The following MKLN1 variants were observed in gnomAD, a reference collection of about 807,000 sequenced individuals.
MKLN1 encodes the protein muskelin.
In MKLN1, 18 loss-of-function variants were observed where a neutral mutation model predicts 99.0. The observed-to-expected ratio is 0.18, with a 90% CI of 0.13 to 0.27. The LOEUF is 0.27. Among genes scored for constraint, MKLN1 ranks in the 10% least tolerant of loss-of-function variants. The probability of loss-of-function intolerance (pLI) is 1.00; values close to 1 mark genes in which losing one functional copy is unlikely to be tolerated. For synonymous variants in MKLN1, 288 were observed against 293.2 expected, an observed-to-expected ratio of 0.98 and a Z score of 0.18; for missense variants, 621 against 875.9, an observed-to-expected ratio of 0.71 and a Z score of 3.67.
chr7:131,440,478 A>G (rs1295061093), intron 10 of MKLN1, among the ~76,000 whole-genome samples: 1 of 152,196 alleles, frequency 6.6e-6, no homozygotes, highest in Non-Finnish European at 1.5e-5. Flanking sequence ...TCAATTACAT[A>G]TGAAAAACTA....
At chr7:131,321,486 T>C (rs913699990) in intron 3 of MKLN1, among the ~76,000 whole-genome samples, 16 of 152,116 alleles carry the variant, frequency 1.1e-4, no homozygotes, top group Non-Finnish European at 2.9e-5. Context: ...GCTTAAAACC[T>C]AGATGACAGT....
chr7:131,483,151 T>G (rs776972172), intron 17 of MKLN1, among the ~76,000 whole-genome samples: 1 of 152,240 alleles, frequency 6.6e-6, no homozygotes, highest in Non-Finnish European at 1.5e-5. Flanking sequence ...GCATGAGGTT[T>G]AGAATCAATA....
intron 3 of MKLN1, among the ~76,000 whole-genome samples, chr7:131,283,916 G>T (rs1798096022): frequency 6.6e-6 from 1 of 152,104 alleles, no homozygotes; most frequent in Admixed American, 6.6e-5. Context: ...TTGTGATTTG[G>T]AGATTTATCT....
At chr7:131,281,356 G>T (rs949843376) in intron 3 of MKLN1, among the ~76,000 whole-genome samples, 1 of 151,892 alleles carries the variant, frequency 6.6e-6, no homozygotes, top group African/African-American at 2.4e-5. Context: ...CCAATGTGAG[G>T]GTTTATTTTT....
intron 3 of MKLN1, among the ~76,000 whole-genome samples, chr7:131,211,011 G>C (rs1320100065): frequency 3.3e-5 from 5 of 151,752 alleles, no homozygotes; most frequent in African/African-American, 4.8e-5. Flanking sequence ...TCCTGGACTA[G>C]AGTATACATT....
intron 2 of MKLN1, among the ~76,000 whole-genome samples, chr7:131,156,659 A>G (rs1392744535): frequency 6.6e-6 from 1 of 152,118 alleles, no homozygotes; most frequent in Non-Finnish European, 1.5e-5. Flanking sequence ...AGTGTTCTGA[A>G]CATGTTTCAG....
intron 8 of MKLN1, among the ~76,000 whole-genome samples, chr7:131,427,529 T>C (rs1297132297): frequency 6.6e-6 from 1 of 152,110 alleles, no homozygotes; most frequent in Non-Finnish European, 1.5e-5. Flanking sequence ...GGGGGAAATA[T>C]TTGAAGAAAG....
At chr7:131,435,359 C>T (rs1382973905) in intron 9 of MKLN1, among the ~76,000 whole-genome samples, 1 of 152,114 alleles carries the variant, frequency 6.6e-6, no homozygotes, top group Non-Finnish European at 1.5e-5. Flanking sequence ...CCTTCTTCCC[C>T]TTCTCTTCCT....
At chr7:131,111,284 A>G (rs1795194122) in intron 1 of MKLN1, among the ~76,000 whole-genome samples, 1 of 152,220 alleles carries the variant, frequency 6.6e-6, no homozygotes, top group Non-Finnish European at 1.5e-5. Context: ...CAAACTGCTC[A>G]GGGTGTTATT....
intron 6 of MKLN1, among the ~76,000 whole-genome samples, chr7:131,407,505 A>T (rs1160976857): frequency 6.6e-6 from 1 of 151,604 alleles, no homozygotes; most frequent in South Asian, 2.1e-4. Flanking sequence ...AATGTGGTGA[A>T]TTTTTCCTAT....
At chr7:131,384,755 A>G (rs891715356) in intron 2 of MKLN1, among the ~76,000 whole-genome samples, 3 of 152,216 alleles carry the variant, frequency 2.0e-5, no homozygotes, top group Non-Finnish European at 4.4e-5. Flanking sequence ...TACTGCTACT[A>G]CTGTGAATGA....
At chr7:131,139,579 C>G (rs187016688) in intron 1 of MKLN1, among the ~76,000 whole-genome samples, 13 of 152,342 alleles carry the variant, frequency 8.5e-5, no homozygotes, top group Admixed American at 8.5e-4. Flanking sequence ...ACACTCCTCT[C>G]TTCTCCCTCT....
Position 131,450,354 on chromosome 7 carries a change from G to A in MKLN1, c.1525+4451G>A, listed in dbSNP as rs113173457. ...AGGGCCCTATCTTCATGGAGTTATGGTTGTACACAGAGAGGAAAAATAAAG... is the reference window on the plus strand; with the variant it reads ...AGGGCCCTATCTTCATGGAGTTATGATTGTACACAGAGAGGAAAAATAAAG... On this transcript the variant is annotated intron_variant, in intron 12 of 17. Transcript: ENST00000352689. Among the ~76,000 whole-genome samples, 475 of 152,320 alleles carry A rather than the reference G, an allele frequency of 3.1e-3. 1 individual carries two copies. Among genetic ancestry groups the A allele is most frequent in the African/African-American group, 0.011 (452 of 41,562 alleles).
intron 2 of MKLN1, among the ~76,000 whole-genome samples, chr7:131,386,206 G>A (rs1400824715): frequency 3.9e-5 from 6 of 152,018 alleles, no homozygotes; most frequent in Non-Finnish European, 7.4e-5. Flanking sequence ...TAAAAACGGG[G>A]TTTCACCATG....
At position 131,399,388 on chromosome 7, in the gene MKLN1, G is replaced by T; in HGVS notation, c.658G>T (p.Gly220Cys). Reference sequence around the variant, plus strand: ...TATTCATGACAAGCTGGTGTTGAAGGGTGATTTTGATGCTTGCGAAGAGTT... The same window carrying T: ...TATTCATGACAAGCTGGTGTTGAAGTGTGATTTTGATGCTTGCGAAGAGTT... ...TDIHDKLVLK[G>C]DFDACEELIE... Residue 220 changes from glycine to cysteine, a missense_variant, in exon 6 of 18, where the codon GGT becomes TGT. Gly to Cys is a radical substitution (Grantham distance 159). Transcript: ENST00000352689. The T allele has an allele frequency of 6.2e-7, 1 of 1,614,004 alleles. No individual in the cohort carries two copies. The highest frequency in any genetic ancestry group is 8.5e-7 in the Non-Finnish European group (1 of 1,179,928).
chr7:131,387,407 A>G lies in MKLN1; in HGVS notation c.311+145A>G. On this transcript the variant is annotated intron_variant, in intron 3 of 17. Transcript: ENST00000352689. Reference sequence around the variant, plus strand: ...TCTATCCCTAATGCCTTAGTTTAATACTGTGGCTTGAGTTAGCTTTCTTTT... The same window carrying G: ...TCTATCCCTAATGCCTTAGTTTAATGCTGTGGCTTGAGTTAGCTTTCTTTT... The G allele has an allele frequency of 5.4e-6, 3 of 554,644 alleles. 1 individual carries two copies. Among genetic ancestry groups the G allele is most frequent in the Middle Eastern group, 7.6e-4 (2 of 2,628 alleles). The allele number at this position is 554,644 out of a possible 1,614,324, so 34.4% of individuals were successfully genotyped here.
intron 1 of MKLN1, among the ~76,000 whole-genome samples, chr7:131,133,588 G>A (rs1795595882): frequency 6.6e-6 from 1 of 150,536 alleles, no homozygotes; most frequent in Non-Finnish European, 1.5e-5. Flanking sequence ...TCCTGACCTC[G>A]TGATCCGCCC....
intron 2 of MKLN1, among the ~76,000 whole-genome samples, chr7:131,176,197 A>G (rs1386422920): frequency 2.0e-5 from 3 of 152,226 alleles, no homozygotes; most frequent in Non-Finnish European, 4.4e-5. Flanking sequence ...ATTTCCTAAA[A>G]TATGCAATTA....
In MKLN1 at chr7:131,443,674, G is replaced by A. The variant is rs1300039148; in HGVS notation, c.1367G>A (p.Arg456Gln). The A allele has an allele frequency of 6.2e-7, 1 of 1,613,226 alleles. No homozygotes were observed. Among genetic ancestry groups the A allele is most frequent in the Non-Finnish European group, 8.5e-7 (1 of 1,179,226 alleles). ...GCTGGGCCTGAGGACATCCAGTCTC[G>A]AATAGGACACTGCATGTTATTCCAC... ...CNAGPEDIQS[R>Q]IGHCMLFHSK... Residue 456 changes from arginine to glutamine, a missense_variant, in exon 11 of 18, where the codon CGA (arginine) becomes CAA (glutamine). Arg to Gln is a conservative substitution (Grantham distance 43, BLOSUM62 1). Coordinates refer to ENST00000352689, the MANE Select transcript of MKLN1 (RefSeq NM_013255.5).
Sources: gnomAD v4.1 joint callset for allele counts (sites outside exome capture counted in the v4.1 genomes callset) on GRCh38, gnomAD v4.1.1 for gene constraint, MANE v1.5 for transcripts, NCBI Gene and HGNC (gene_info 2026-07-23, HGNC 2026-07-21) for gene names.